The following FMN2 variants were observed in gnomAD, a reference collection of about 807,000 sequenced individuals.
FMN2 encodes formin-2.
Under a neutral mutation model 142.3 loss-of-function variants are expected in FMN2, and 51 were observed. That is an observed-to-expected ratio of 0.36 (90% confidence interval 0.29 to 0.45). The LOEUF (loss-of-function observed/expected upper bound fraction) is 0.45, where lower values mean the gene tolerates loss of function less well. Among genes scored for constraint, FMN2 ranks in the 20% least tolerant of loss-of-function variants. FMN2 has a pLI of 1.00. For missense variants in FMN2, 1,936 were observed against 2,122.8 expected (o/e 0.91, Z 1.73); for synonymous variants, 882 against 869.8 (o/e 1.01, Z -0.25).
At chr1:240,468,780 A>G (rs1394523473) in intron 16 of FMN2, among the ~76,000 whole-genome samples, 2 of 152,160 alleles carry the variant, frequency 1.3e-5, no homozygotes, top group Non-Finnish European at 2.9e-5. Flanking sequence ...TCAGAGTGGC[A>G]GCTGATGAAA....
chr1:240,221,528 G>A (rs12725655), intron 6 of FMN2, among the ~76,000 whole-genome samples: 1,619 of 152,222 alleles, frequency 0.011, 8 homozygotes, highest in Middle Eastern at 0.02. Context: ...TTTGAGAAGT[G>A]TCTGTTCATA....
chr1:240,295,530 T>G (rs1392770525), intron 8 of FMN2, among the ~76,000 whole-genome samples: 1 of 148,894 alleles, frequency 6.7e-6, no homozygotes, highest in Non-Finnish European at 1.5e-5. Context: ...TGTCTTTCTG[T>G]GTCTAGCTTA....
At position 240,207,874 on chromosome 1, in the gene FMN2, C is replaced by T. The variant is rs1174648945; in HGVS notation, c.3062C>T (p.Pro1021Leu). 4.2e-5 allele frequency: 22 copies of T among 528,756 alleles called. No homozygotes were observed. Among genetic ancestry groups the T allele is most frequent in the South Asian group, 2.6e-4 (13 of 49,564 alleles). 32.8% of individuals were successfully genotyped at this position (528,756 alleles called of 1,614,324 possible). A position where few individuals can be genotyped will look rare whatever the true frequency, so the allele number is the denominator to read the frequency against. Residue 1021 changes from proline (P) to leucine (L), a missense_variant, in exon 5 of 18, where the codon CCT becomes CTT. Pro to Leu is a moderately conservative substitution (Grantham distance 98). Coordinates refer to ENST00000319653, the MANE Select transcript of FMN2 (RefSeq NM_020066.5). ...CCTCTTCCCGGAGCGGGCATACCTC[C>T]TCCACCCCCTCTACCCGGAGCGGGC... ...PPPLPGAGIPPPPPLPGAGIP... is the reference protein window; with the variant it reads ...PPPLPGAGIPLPPPLPGAGIP...
At chr1:240,215,838 AG>A (rs1429843084) in intron 6 of FMN2, among the ~76,000 whole-genome samples, 10 of 152,106 alleles carry the variant, frequency 6.6e-5, no homozygotes, top group African/African-American at 2.4e-4. Flanking sequence ...CCTCCCAAGT[AG>A]CTGGGATTAC....
intron 8 of FMN2, among the ~76,000 whole-genome samples, chr1:240,298,082 G>A (rs1670051728): frequency 6.6e-6 from 1 of 152,068 alleles, no homozygotes; most frequent in African/African-American, 2.4e-5. Context: ...CTGAGGGTGG[G>A]GCGTAAACAT....
chr1:240,309,022 G>C (rs1670507958), intron 8 of FMN2, among the ~76,000 whole-genome samples: 1 of 152,180 alleles, frequency 6.6e-6, no homozygotes, highest in Non-Finnish European at 1.5e-5. Flanking sequence ...AGAAGGTGGA[G>C]AGTGAGGGTA....
At chr1:240,345,308 A>T (rs187789860) in intron 13 of FMN2, among the ~76,000 whole-genome samples, 2 of 152,322 alleles carry the variant, frequency 1.3e-5, no homozygotes, top group East Asian at 3.9e-4. Flanking sequence ...TGAGAATTTC[A>T]TCTTGGTCAG....
At position 240,155,116 on chromosome 1, in the gene FMN2, C is replaced by G. The variant is rs554699833; in HGVS notation, c.1783-22805C>G. Among the ~76,000 whole-genome samples, 6 of 152,034 alleles carry G rather than the reference C, an allele frequency of 3.9e-5. No homozygotes were observed. In the East Asian group the frequency reaches 9.7e-4, roughly 25 times the overall value. On this transcript the variant is annotated intron_variant, in intron 2 of 17. Coordinates refer to ENST00000319653, the MANE Select transcript of FMN2 (RefSeq NM_020066.5). ...ATGTTGCCCAGGCTAGTCTCAAACTCCTGAGCTCAAGCAATCCACCCACCT... is the reference window on the plus strand; with the variant it reads ...ATGTTGCCCAGGCTAGTCTCAAACTGCTGAGCTCAAGCAATCCACCCACCT...
intron 4 of FMN2, among the ~76,000 whole-genome samples, chr1:240,195,930 C>T (rs1320438674): frequency 6.6e-6 from 1 of 152,148 alleles, no homozygotes; most frequent in Non-Finnish European, 1.5e-5. Flanking sequence ...ATCACCTGAG[C>T]CCAGGAGGTC....
intron 2 of FMN2, among the ~76,000 whole-genome samples, chr1:240,163,819 T>C (rs1419216513): frequency 3.9e-5 from 6 of 151,994 alleles, no homozygotes; most frequent in African/African-American, 7.2e-5. Flanking sequence ...TATTTAATTG[T>C]TCTCTCTGGT....
chr1:240,390,267 A>G (rs767354781), intron 14 of FMN2, among the ~76,000 whole-genome samples: 23 of 152,360 alleles, frequency 1.5e-4, no homozygotes, highest in Non-Finnish European at 2.6e-4. Context: ...GAGCATTTTA[A>G]GAGATTTTTT....
At chr1:240,349,700 T>G (rs1273276046) in intron 13 of FMN2, among the ~76,000 whole-genome samples, 1 of 152,210 alleles carries the variant, frequency 6.6e-6, no homozygotes, top group Non-Finnish European at 1.5e-5. Flanking sequence ...TTCTTTGTAT[T>G]TGGAAACCTA....
Position 240,116,629 on chromosome 1 carries a change from C to T in FMN2, c.1616-6550C>T, listed in dbSNP as rs1662035075. 1.3e-5 allele frequency among the ~76,000 whole-genome samples: 2 copies of T among 151,888 alleles called. 1 individual carries two copies. The highest frequency in any genetic ancestry group is 4.1e-4 in the South Asian group (2 of 4,824). ...ATGTTGGCTGGGTGTGGTGGCTCAC[C>T]CATGTAGTCCCAGCACTTTGGGAGG... On this transcript the variant is annotated intron_variant, in intron 1 of 17. Transcript: ENST00000319653.
At chr1:240,198,342 C>A (rs1012294088) in intron 4 of FMN2, among the ~76,000 whole-genome samples, 2 of 152,184 alleles carry the variant, frequency 1.3e-5, no homozygotes, top group East Asian at 3.9e-4. Flanking sequence ...CTTTAACCTT[C>A]CCATCGTATC....
intron 2 of FMN2, among the ~76,000 whole-genome samples, chr1:240,159,996 C>CACACACACACAT (rs1553334663): frequency 1.1e-4 from 16 of 146,252 alleles, no homozygotes; most frequent in African/African-American, 4.0e-4. Context: ...CACACACACA[C>CACACACACACAT]ACATACACAC....
intron 13 of FMN2, among the ~76,000 whole-genome samples, chr1:240,348,887 A>T (rs552687467): frequency 6.6e-6 from 1 of 152,290 alleles, no homozygotes; most frequent in East Asian, 1.9e-4. Flanking sequence ...GCCTCACTAC[A>T]TGGAGTGACT....
chr1:240,419,156 T>C (rs1225179947), intron 15 of FMN2, among the ~76,000 whole-genome samples: 2 of 152,200 alleles, frequency 1.3e-5, no homozygotes, highest in Non-Finnish European at 2.9e-5. Flanking sequence ...CAGGCAGATA[T>C]GTCAGTTACT....
chr1:240,247,375 G>A (rs1462368973), intron 6 of FMN2, among the ~76,000 whole-genome samples: 1 of 152,038 alleles, frequency 6.6e-6, no homozygotes, highest in Non-Finnish European at 1.5e-5. Context: ...GGTCCCGCAT[G>A]CCTGTAACCT....
intron 14 of FMN2, among the ~76,000 whole-genome samples, chr1:240,371,082 G>T (rs1672849933): frequency 6.6e-6 from 1 of 152,002 alleles, no homozygotes; most frequent in South Asian, 2.1e-4. Context: ...GGGATTACAG[G>T]CACATGCCAC....
Sources: allele counts gnomAD v4.1 joint callset (sites outside exome capture counted in the v4.1 genomes callset), GRCh38; gene constraint gnomAD v4.1.1; transcripts MANE v1.5; gene names NCBI Gene and HGNC (gene_info 2026-07-23, HGNC 2026-07-21).